ADAM7: variants seen among roughly 807,000 people sequenced by gnomAD.
ADAM7 encodes disintegrin and metalloproteinase domain-containing protein 7.
In ADAM7, 97 loss-of-function variants were observed where a neutral mutation model predicts 102.9. That is an observed-to-expected ratio of 0.94 (90% CI 0.80 to 1.12). The LOEUF (loss-of-function observed/expected upper bound fraction) is 1.12. Ranked by LOEUF, ADAM7 falls within the 50% of genes most tolerant of loss-of-function variation. ADAM7 has a pLI of 0.00. For missense variants in ADAM7, 991 were observed against 908.7 expected (o/e 1.09, Z -1.16); for synonymous variants, 334 against 304.4 (o/e 1.10, Z -1.01).
chr8:24,445,762 G>T (rs923772016), intron 2 of ADAM7, among the ~76,000 whole-genome samples: 19 of 152,228 alleles, frequency 1.2e-4, no homozygotes, highest in Middle Eastern at 3.4e-3. Flanking sequence ...TTACTAGGTT[G>T]AACATGATTT....
intron 3 of ADAM7, among the ~76,000 whole-genome samples, chr8:24,460,612 A>C (rs1482173985): frequency 6.6e-6 from 1 of 152,048 alleles, no homozygotes; most frequent in Non-Finnish European, 1.5e-5. Flanking sequence ...TTAATCATTA[A>C]GTTATAGTTA....
chr8:24,471,069 C>T (rs1409586489), intron 7 of ADAM7, among the ~76,000 whole-genome samples: 1 of 151,564 alleles, frequency 6.6e-6, no homozygotes, highest in Non-Finnish European at 1.5e-5. Flanking sequence ...TGGTTTTTGT[C>T]TTAGCTTTTA....
chr8:24,461,712 A>C (rs946801205), intron 3 of ADAM7, among the ~76,000 whole-genome samples: 1 of 151,790 alleles, frequency 6.6e-6, no homozygotes, highest in African/African-American at 2.4e-5. Flanking sequence ...CAGGTTAGGT[A>C]ATTTCTATTA....
chr8:24,479,022 G>T (rs1053445671), intron 8 of ADAM7, among the ~76,000 whole-genome samples: 4 of 152,114 alleles, frequency 2.6e-5, no homozygotes, highest in Admixed American at 2.0e-4. Flanking sequence ...GTCCTGAATT[G>T]TTGGGGAGTT....
chr8:24,504,763 T>G (rs866429294), intron 20 of ADAM7, among the ~76,000 whole-genome samples: 24 of 152,208 alleles, frequency 1.6e-4, no homozygotes, highest in Middle Eastern at 6.8e-3. Flanking sequence ...ATACCCCCAC[T>G]CTATCCCCCA....
At chr8:24,478,680 A>G (rs1819849475) in intron 8 of ADAM7, among the ~76,000 whole-genome samples, 1 of 152,182 alleles carries the variant, frequency 6.6e-6, no homozygotes, top group Non-Finnish European at 1.5e-5. Context: ...TATTATGGAT[A>G]ACTAATTTAA....
chr8:24,492,581 C>G lies in ADAM7; in HGVS notation c.1639C>G (p.Leu547Val), dbSNP rs1387134056. The G allele has an allele frequency of 6.2e-7, 1 of 1,612,138 alleles. No individual in the cohort carries two copies. Among genetic ancestry groups the G allele is most frequent in the African/African-American group, 1.3e-5 (1 of 74,822 alleles). The change falls in exon 15 of 22, where the codon CTT becomes GTT. Residue 547 changes from leucine to valine, a missense_variant. Physicochemically the swap from Leu to Val is conservative, Grantham distance 32. Transcript: ENST00000175238. Reference protein sequence around the residue: ...GYCKNKENRFLPCEEKDVRCG... With the variant: ...GYCKNKENRFVPCEEKDVRCG... ...CTGCAAAAACAAGGAAAACAGATTT[C>G]TTCCCTGTGAGGAGAAGTAAGTGCC... is the stretch of plus-strand genomic sequence containing the variant.
At position 24,489,287 on chromosome 8, in the gene ADAM7, A is replaced by G; in HGVS notation, c.1220A>G (p.Asn407Ser). 1.9e-6 allele frequency: 3 copies of G among 1,613,592 alleles called. No homozygotes were observed. Among genetic ancestry groups the G allele is most frequent in the Non-Finnish European group, 2.5e-6 (3 of 1,179,692 alleles). ...YNFHDFQFCG[N>S]KKLDEGEECD... ...TTTCATGATTTCCAATTTTGTGGAA[A>G]CAAGAAGTTGGATGAGGGTGAAGAG... Residue 407 changes from asparagine (N) to serine (S), a missense_variant, in exon 12 of 22, where the codon AAC becomes AGC. Coordinates refer to ENST00000175238, the MANE Select transcript of ADAM7 (RefSeq NM_003817.4).
chr8:24,507,097 C>T (rs530771343), intron 20 of ADAM7, among the ~76,000 whole-genome samples: 109 of 152,072 alleles, frequency 7.2e-4, no homozygotes, highest in African/African-American at 2.3e-3. Flanking sequence ...TCCTTGAACC[C>T]GGGCAGTCCA....
chr8:24,441,056 G>A lies in ADAM7; in HGVS notation c.-53G>A, dbSNP rs1818357322. On this transcript the variant is annotated 5_prime_UTR_variant, in exon 1 of 22. Coordinates refer to ENST00000175238, the MANE Select transcript of ADAM7 (RefSeq NM_003817.4). Reference sequence around the variant, plus strand: ...TGCAGTGGAAGTGAGGAGGAAGAAAGGTGAACTCCTTTTCTCAAGCACTTC... The same window carrying A: ...TGCAGTGGAAGTGAGGAGGAAGAAAAGTGAACTCCTTTTCTCAAGCACTTC... 3.6e-5 allele frequency: 56 copies of A among 1,535,568 alleles called. No homozygotes were observed. Among genetic ancestry groups the A allele is most frequent in the Non-Finnish European group, 1.2e-5 (13 of 1,109,186 alleles).
chr8:24,481,167 C>T (rs1460093171), intron 8 of ADAM7, among the ~76,000 whole-genome samples: 3 of 152,158 alleles, frequency 2.0e-5, no homozygotes, highest in Admixed American at 1.3e-4. Flanking sequence ...AGTTTGACTA[C>T]ATGTCTAACT....
chr8:24,507,395 G>A, intron 20 of ADAM7, 85 bp from the exon 21 acceptor site: 4 of 1,047,502 alleles, frequency 3.8e-6, no homozygotes, highest in Non-Finnish European at 5.9e-6. Flanking sequence ...TCATGTGTAT[G>A]TGTGCACATG....
At chr8:24,497,310 A>T (rs1215015587) in intron 16 of ADAM7, among the ~76,000 whole-genome samples, 2 of 152,312 alleles carry the variant, frequency 1.3e-5, no homozygotes, top group East Asian at 3.9e-4. Flanking sequence ...ATGAAAACGA[A>T]CTAATACAAT....
At chr8:24,451,357 C>T (rs1818781571) in intron 3 of ADAM7, among the ~76,000 whole-genome samples, 1 of 152,298 alleles carries the variant, frequency 6.6e-6, no homozygotes, top group East Asian at 1.9e-4. Context: ...AGAGATTTGA[C>T]TTCTTCCTGG....
At position 24,447,229 on chromosome 8, in the gene ADAM7, GA is replaced by G; in HGVS notation, c.205del (p.Thr69ProfsTer2). ...TTGTTGTATGAAATAAAACTAAATA[GA>G]AAAACCTTAGTCCTTCATCTTCTAA... ...EELLYEIKLNRKTLVLHLLRS... is the reference protein window; with the variant it reads ...EELLYEIKLNXKTLVLHLLRS... On this transcript the variant is annotated frameshift_variant, in exon 3 of 22. Coordinates refer to ENST00000175238, the MANE Select transcript of ADAM7 (RefSeq NM_003817.4). LOFTEE classifies it high-confidence loss of function. The G allele has an allele frequency of 6.5e-7, 1 of 1,543,734 alleles. No individual in the cohort carries two copies.
Position 24,492,592 on chromosome 8 carries a change from G to A in ADAM7, c.1650G>A (p.Glu550=), listed in dbSNP as rs985377. 3.8e-3 allele frequency: 6,134 copies of A among 1,610,308 alleles called. 216 individuals are homozygous for A. The African/African-American group carries it at 0.073, about 19-fold the overall frequency. Residue 550 remains glutamate (E), a synonymous_variant, in exon 15 of 22, where the codon GAG becomes GAA. Coordinates refer to ENST00000175238, the MANE Select transcript of ADAM7 (RefSeq NM_003817.4). The part of the protein sequence containing the change: ...KNKENRFLPC[E]EKDVRCGKIY... ...AGGAAAACAGATTTCTTCCCTGTGA[G>A]GAGAAGTAAGTGCCCTGTGGAAAAA...
chr8:24,463,848 A>G (rs1227326884), intron 3 of ADAM7, 34 bp from the exon 4 acceptor site: 1 of 1,573,670 alleles, frequency 6.4e-7, no homozygotes, highest in Non-Finnish European at 8.7e-7. Flanking sequence ...TTTAGAACGA[A>G]CAAATCTCAC....
At chr8:24,450,635 C>G (rs1017276627) in intron 3 of ADAM7, among the ~76,000 whole-genome samples, 4 of 152,050 alleles carry the variant, frequency 2.6e-5, no homozygotes, top group Non-Finnish European at 4.4e-5. Flanking sequence ...ATTGAATACC[C>G]TTTATTTCCT....
At chr8:24,508,522 T>C in intron 21 of ADAM7, 24 bp from the exon 22 acceptor site, 1 of 1,611,698 alleles carries the variant, frequency 6.2e-7, no homozygotes, top group Non-Finnish European at 8.5e-7. Flanking sequence ...AACAATCTAT[T>C]TTTAACCATC....
Sources: gnomAD v4.1 joint callset for allele counts (sites outside exome capture counted in the v4.1 genomes callset) on GRCh38, gnomAD v4.1.1 for gene constraint, MANE v1.5 for transcripts, NCBI Gene and HGNC (gene_info 2026-07-23, HGNC 2026-07-21) for gene names.